MAMLD1: variants seen among roughly 807,000 people sequenced by gnomAD.
MAMLD1 encodes the protein mastermind like domain containing 1.
A neutral mutation model predicts 45.0 loss-of-function variants in MAMLD1; 14 were observed. The ratio of observed to expected loss-of-function variants is 0.31; its 90% CI spans 0.21 to 0.49. The LOEUF (loss-of-function observed/expected upper bound fraction) is 0.49, where lower values mean the gene tolerates loss of function less well. Among genes scored for constraint, MAMLD1 ranks in the 20% least tolerant of loss-of-function variants. The pLI is 0.99. For synonymous variants in MAMLD1, 254 were observed against 247.8 expected (o/e 1.02, Z -0.24); for missense variants, 543 against 603.6 (o/e 0.90, Z 1.05).
At position 150,376,643 on chromosome X, in the gene MAMLD1, C is replaced by T. The variant is rs781834459; in HGVS notation, c.-64+13113C>T. ...GATTCTGATTTCTAGCTATCAGATA[C>T]TAGCTTATCAGAATGGAATTTTTAT... On this transcript the variant is annotated intron_variant, in intron 1 of 7. Coordinates refer to ENST00000370401, the MANE Select transcript of MAMLD1 (RefSeq NM_005491.5). Among the ~76,000 whole-genome samples, 7 of 111,531 alleles carry T rather than the reference C, an allele frequency of 6.3e-5. No individual in the cohort carries two copies. In the East Asian group the frequency reaches 2.0e-3, roughly 31 times the overall value.
intron 4 of MAMLD1, 97 bp from the exon 5 acceptor site, chrX:150,473,583 G>T: frequency 2.4e-6 from 2 of 849,024 alleles, no homozygotes; most frequent in Non-Finnish European, 3.5e-6. Context: ...CGGGGGAGCG[G>T]TGTGGAGATA....
At chrX:150,368,483 T>C (rs1188015047) in intron 1 of MAMLD1, among the ~76,000 whole-genome samples, 4 of 110,984 alleles carry the variant, frequency 3.6e-5, no homozygotes, top group Non-Finnish European at 7.6e-5. Context: ...ATGAGTAGAT[T>C]GCAAAAATTT....
At chrX:150,412,897 G>A (rs1037888492) in intron 1 of MAMLD1, among the ~76,000 whole-genome samples, 25 of 110,037 alleles carry the variant, frequency 2.3e-4, no homozygotes, top group Non-Finnish European at 4.4e-4. Context: ...TGTTTTTTGT[G>A]TATTTTTTGT....
chrX:150,419,433 T>C (rs1557403333), intron 1 of MAMLD1, among the ~76,000 whole-genome samples: 1 of 109,472 alleles, frequency 9.1e-6, no homozygotes, highest in Admixed American at 9.7e-5. Context: ...ATTTAGTCCA[T>C]TTACATTTAA....
intron 2 of MAMLD1, among the ~76,000 whole-genome samples, chrX:150,456,800 G>C: frequency 8.9e-6 from 1 of 112,517 alleles, no homozygotes; most frequent in Non-Finnish European, 1.9e-5. Flanking sequence ...AGCATACGAG[G>C]AGCTCACCTT....
intron 4 of MAMLD1, among the ~76,000 whole-genome samples, chrX:150,472,521 C>CA (rs1366789383): frequency 8.9e-6 from 1 of 112,249 alleles, no homozygotes; most frequent in African/African-American, 3.2e-5. Flanking sequence ...GGTTGTTGGA[C>CA]TGAGGCCTCG....
chrX:150,448,363 G>A (rs1012796456), intron 2 of MAMLD1, among the ~76,000 whole-genome samples: 2 of 112,051 alleles, frequency 1.8e-5, no homozygotes, highest in South Asian at 3.7e-4. Context: ...CCAGGAAACC[G>A]AGACTCAGAG....
chrX:150,478,012 C>G (rs1037269633), intron 5 of MAMLD1, among the ~76,000 whole-genome samples: 15 of 112,108 alleles, frequency 1.3e-4, no homozygotes, highest in Non-Finnish European at 2.6e-4. Context: ...ACCACTGACT[C>G]TCACTCCTAA....
chrX:150,435,034 G>A (rs1256990775), intron 1 of MAMLD1, among the ~76,000 whole-genome samples: 1 of 111,525 alleles, frequency 9.0e-6, no homozygotes, highest in Non-Finnish European at 1.9e-5. Context: ...CTATTATTGT[G>A]TGGTTATCTA....
At chrX:150,375,309 C>G (rs1343564631) in intron 1 of MAMLD1, among the ~76,000 whole-genome samples, 1 of 111,761 alleles carries the variant, frequency 8.9e-6, no homozygotes, top group East Asian at 2.8e-4. Flanking sequence ...ATTTTCAATT[C>G]TCCTAGAAAC....
chrX:150,417,741 T>G (rs1385097508), intron 1 of MAMLD1, among the ~76,000 whole-genome samples: 3 of 108,565 alleles, frequency 2.8e-5, no homozygotes, highest in African/African-American at 1.0e-4. Flanking sequence ...GGTTTTGATT[T>G]GCATTTCTCT....
intron 1 of MAMLD1, among the ~76,000 whole-genome samples, chrX:150,405,547 A>G (rs946904910): frequency 8.9e-6 from 1 of 111,926 alleles, no homozygotes; most frequent in Non-Finnish European, 1.9e-5. Context: ...CTGTGCAGCC[A>G]TGTTATTGCC....
chrX:150,364,259 G>A (rs1468226112), intron 1 of MAMLD1, among the ~76,000 whole-genome samples: 1 of 112,908 alleles, frequency 8.9e-6, no homozygotes, highest in Non-Finnish European at 1.9e-5. Context: ...CCCCCGGAGC[G>A]CCGCCAAATA....
At chrX:150,394,967 C>A (rs1270222281) in intron 1 of MAMLD1, among the ~76,000 whole-genome samples, 2 of 111,925 alleles carry the variant, frequency 1.8e-5, no homozygotes, top group East Asian at 2.8e-4. Flanking sequence ...ACTTCCAGAA[C>A]AATGTTGAAA....
intron 6 of MAMLD1, among the ~76,000 whole-genome samples, chrX:150,506,637 C>T (rs1409505163): frequency 8.9e-6 from 1 of 112,403 alleles, no homozygotes; most frequent in African/African-American, 3.2e-5. Context: ...CCGTTGGAGT[C>T]CTTTTGCCTG....
intron 1 of MAMLD1, among the ~76,000 whole-genome samples, chrX:150,377,392 A>G (rs1293699589): frequency 8.8e-6 from 1 of 113,437 alleles, no homozygotes; most frequent in Non-Finnish European, 1.9e-5. Context: ...TGACTTGACC[A>G]GTACAGTACA....
chrX:150,445,505 G>T lies in MAMLD1; in HGVS notation c.-12G>T. 2 of 1,188,240 alleles carry T rather than the reference G, an allele frequency of 1.7e-6. No individual in the cohort carries two copies. Among genetic ancestry groups the T allele is most frequent in the Non-Finnish European group, 2.3e-6 (2 of 874,417 alleles). On this transcript the variant is annotated 5_prime_UTR_variant, in exon 2 of 8. Coordinates refer to ENST00000370401, the MANE Select transcript of MAMLD1 (RefSeq NM_005491.5). ...GCCTTGGAGAGTCAAGAATAAATTTGCAGGTCAAACAATGGATGACTGGAA... is the reference window on the plus strand; with the variant it reads ...GCCTTGGAGAGTCAAGAATAAATTTTCAGGTCAAACAATGGATGACTGGAA...
intron 5 of MAMLD1, among the ~76,000 whole-genome samples, chrX:150,478,365 C>A (rs1378328170): frequency 4.5e-5 from 5 of 111,711 alleles, no homozygotes; most frequent in African/African-American, 1.3e-4. Flanking sequence ...AAATACATGA[C>A]CTCCACCCCA....
intron 2 of MAMLD1, among the ~76,000 whole-genome samples, chrX:150,448,614 T>C (rs782029618): frequency 8.9e-6 from 1 of 112,321 alleles, no homozygotes; most frequent in Non-Finnish European, 1.9e-5. Flanking sequence ...TTTGACCTTT[T>C]GAACATTTGG....
Sources: allele counts gnomAD v4.1 joint callset (sites outside exome capture counted in the v4.1 genomes callset), GRCh38; gene constraint gnomAD v4.1.1; transcripts MANE v1.5; gene names NCBI Gene and HGNC (gene_info 2026-07-23, HGNC 2026-07-21).